SLCO6A1: variants seen among roughly 807,000 people sequenced by gnomAD.
SLCO6A1 encodes the protein solute carrier organic anion transporter family member 6A1.
A neutral mutation model predicts 72.7 loss-of-function variants in SLCO6A1; 65 were observed. The ratio of observed to expected loss-of-function variants is 0.89; its 90% confidence interval spans 0.73 to 1.10. SLCO6A1 has a LOEUF of 1.10. SLCO6A1 is among the 50% of genes least tolerant of loss of function. SLCO6A1 has a pLI of 0.00. For missense variants in SLCO6A1, 874 were observed against 872.6 expected, an observed-to-expected ratio of 1.00 and a Z score of -0.02; for synonymous variants, 314 against 298.2, an observed-to-expected ratio of 1.05 and a Z score of -0.55.
intron 12 of SLCO6A1, among the ~76,000 whole-genome samples, chr5:102,379,032 C>T (rs1235227107): frequency 1.3e-5 from 2 of 152,052 alleles, no homozygotes; most frequent in African/African-American, 2.4e-5. Context: ...CTGCCCACCT[C>T]GGCCTCCCAA....
intron 6 of SLCO6A1, among the ~76,000 whole-genome samples, chr5:102,444,692 CAG>C (rs1750015584): frequency 6.6e-6 from 1 of 152,104 alleles, no homozygotes; most frequent in Non-Finnish European, 1.5e-5. Context: ...GGAGATGATT[CAG>C]AGACTAAAAC....
At chr5:102,391,116 A>G in intron 10 of SLCO6A1, 71 bp from the exon 11 acceptor site, 1 of 1,416,102 alleles carries the variant, frequency 7.1e-7, no homozygotes, top group Non-Finnish European at 9.9e-7. Context: ...GCTAGATTCA[A>G]GGCTAATCAT....
intron 6 of SLCO6A1, among the ~76,000 whole-genome samples, chr5:102,447,565 T>G (rs758676054): frequency 6.6e-6 from 1 of 152,238 alleles, no homozygotes; most frequent in African/African-American, 2.4e-5. Context: ...AATACTTGTC[T>G]GTTCAGGGTT....
At chr5:102,412,742 C>G (rs1256989611) in intron 9 of SLCO6A1, among the ~76,000 whole-genome samples, 1 of 149,772 alleles carries the variant, frequency 6.7e-6, no homozygotes, top group East Asian at 2.0e-4. Context: ...GCCTGGGTGA[C>G]AGAGTCAGAT....
chr5:102,467,541 G>A (rs569271566), intron 4 of SLCO6A1, among the ~76,000 whole-genome samples: 112 of 152,192 alleles, frequency 7.4e-4, no homozygotes, highest in Non-Finnish European at 1.3e-3. Flanking sequence ...CTGCCCCCAC[G>A]ATTCATTTAT....
At chr5:102,445,039 G>T (rs1032392446) in intron 6 of SLCO6A1, among the ~76,000 whole-genome samples, 2 of 152,174 alleles carry the variant, frequency 1.3e-5, no homozygotes, top group East Asian at 3.9e-4. Flanking sequence ...ACATATGCAT[G>T]CATGTGTCTT....
In SLCO6A1 at chr5:102,425,709, A is replaced by G. The variant is rs549733690; in HGVS notation, c.1277-5688T>C. 3.1e-3 allele frequency among the ~76,000 whole-genome samples: 468 copies of G among 152,324 alleles called. 3 individuals carry two copies. Among genetic ancestry groups the G allele is most frequent in the African/African-American group, 0.011 (453 of 41,580 alleles). On this transcript the variant is annotated intron_variant, in intron 7 of 13. Coordinates refer to ENST00000506729, the MANE Select transcript of SLCO6A1 (RefSeq NM_173488.5). ...GGCCATACTGCCCAAAGTAATTTATAGATTTATGCTATTCCCATCAAACTA... is the reference window on the plus strand; with the variant it reads ...GGCCATACTGCCCAAAGTAATTTATGGATTTATGCTATTCCCATCAAACTA...
intron 6 of SLCO6A1, among the ~76,000 whole-genome samples, chr5:102,442,105 G>A (rs1031353731): frequency 5.3e-5 from 8 of 152,112 alleles, no homozygotes; most frequent in South Asian, 4.1e-4. Context: ...GCTGCAACAG[G>A]CAGAATAAGA....
At chr5:102,411,828 T>TG (rs923620962) in intron 9 of SLCO6A1, among the ~76,000 whole-genome samples, 9 of 152,112 alleles carry the variant, frequency 5.9e-5, no homozygotes, top group Non-Finnish European at 1.0e-4. Context: ...CAGTCCTTTG[T>TG]GGGGGGGAAA....
intron 8 of SLCO6A1, among the ~76,000 whole-genome samples, chr5:102,414,908 T>C (rs1748190261): frequency 2.7e-5 from 1 of 37,118 alleles, no homozygotes; most frequent in Admixed American, 3.0e-4. Flanking sequence ...AGTAAGTAAG[T>C]AAATAAATAA....
intron 1 of SLCO6A1, among the ~76,000 whole-genome samples, chr5:102,487,097 A>C (rs1752477097): frequency 6.6e-6 from 1 of 152,220 alleles, no homozygotes. Context: ...TTTGGAATTG[A>C]AAATGAGCAA....
intron 6 of SLCO6A1, among the ~76,000 whole-genome samples, chr5:102,454,101 G>T (rs2060837): frequency 0.55 from 83,161 of 151,542 alleles, 23,978 homozygotes; most frequent in Non-Finnish European, 0.63. Context: ...AACAACTATT[G>T]CTGCCTCTGG....
intron 7 of SLCO6A1, among the ~76,000 whole-genome samples, chr5:102,435,386 C>T (rs754541644): frequency 6.6e-6 from 1 of 152,054 alleles, no homozygotes; most frequent in Non-Finnish European, 1.5e-5. Flanking sequence ...ACTATGACTG[C>T]TGTTAAACTC....
Position 102,477,473 on chromosome 5 carries a change from G to A in SLCO6A1, c.802+203C>T, listed in dbSNP as rs111911826. Among the ~76,000 whole-genome samples, 318 of 152,132 alleles carry A rather than the reference G, an allele frequency of 2.1e-3. 3 individuals carry two copies. Among genetic ancestry groups the A allele is most frequent in the African/African-American group, 7.3e-3 (302 of 41,502 alleles). Reference sequence around the variant, plus strand: ...TCTATATATTTTCAGTGACATTCAGGTGACTTGTCTAGAATCTCAAATCTC... The same window carrying A: ...TCTATATATTTTCAGTGACATTCAGATGACTTGTCTAGAATCTCAAATCTC... On this transcript the variant is annotated intron_variant, in intron 3 of 13. Transcript: ENST00000506729.
Position 102,392,932 on chromosome 5 carries a change from T to C in SLCO6A1, c.1815-1887A>G, listed in dbSNP as rs187768311. ...TATTCTTCCCCTAGAGCTCCCCGTT[T>C]CAAAATAAAAAAACATGGAACATTT... On this transcript the variant is annotated intron_variant, in intron 10 of 13. Transcript: ENST00000506729. 6.4e-3 allele frequency among the ~76,000 whole-genome samples: 977 copies of C among 152,220 alleles called. 7 individuals carry two copies. The highest frequency in any genetic ancestry group is 0.021 in the African/African-American group (883 of 41,546).
intron 6 of SLCO6A1, among the ~76,000 whole-genome samples, chr5:102,452,934 A>G (rs1387479185): frequency 6.6e-6 from 1 of 152,234 alleles, no homozygotes; most frequent in African/African-American, 2.4e-5. Flanking sequence ...TCCAAACCAA[A>G]TGGCATGAAC....
chr5:102,456,267 A>G (rs1001739246), intron 6 of SLCO6A1, among the ~76,000 whole-genome samples: 2 of 152,212 alleles, frequency 1.3e-5, no homozygotes, highest in African/African-American at 4.8e-5. Context: ...GCAATCAGGT[A>G]GGAGAATGAA....
chr5:102,445,961 G>A (rs1029815136), intron 6 of SLCO6A1, among the ~76,000 whole-genome samples: 5 of 152,078 alleles, frequency 3.3e-5, no homozygotes, highest in African/African-American at 1.2e-4. Flanking sequence ...TGCTGTTTTA[G>A]GAGCCTTGTA....
intron 3 of SLCO6A1, among the ~76,000 whole-genome samples, chr5:102,477,084 T>C (rs1204292548): frequency 2.0e-5 from 3 of 152,142 alleles, no homozygotes; most frequent in Non-Finnish European, 2.9e-5. Context: ...TAAATGTACA[T>C]ACATATACAT....
Sources: allele counts gnomAD v4.1 joint callset (sites outside exome capture counted in the v4.1 genomes callset), GRCh38; gene constraint gnomAD v4.1.1; transcripts MANE v1.5; gene names NCBI Gene and HGNC (gene_info 2026-07-23, HGNC 2026-07-21).